GPHN: variants seen among roughly 807,000 people sequenced by gnomAD.
GPHN encodes gephyrin.
In GPHN, 17 loss-of-function variants were observed where a neutral mutation model predicts 95.5. The observed-to-expected ratio is 0.18, with a 90% confidence interval of 0.12 to 0.27. The LOEUF is 0.27. Among genes scored for constraint, GPHN ranks in the 10% least tolerant of loss-of-function variants. The pLI is 1.00. For missense variants in GPHN, 660 were observed against 978.1 expected, an observed-to-expected ratio of 0.67 and a Z score of 4.34; for synonymous variants, 320 against 322.5, an observed-to-expected ratio of 0.99 and a Z score of 0.08.
intron 5 of GPHN, among the ~76,000 whole-genome samples, chr14:66,893,139 A>G (rs2064615734): frequency 6.6e-6 from 1 of 152,210 alleles, no homozygotes; most frequent in South Asian, 2.1e-4. Flanking sequence ...CCTAAATATC[A>G]TAGCTTCATA....
At chr14:66,690,824 C>T (rs904857963) in intron 2 of GPHN, among the ~76,000 whole-genome samples, 2 of 152,218 alleles carry the variant, frequency 1.3e-5, no homozygotes, top group South Asian at 2.1e-4. Context: ...CTCACTCCCT[C>T]GGTTTGTGTA....
At chr14:67,213,292 C>A in the GPHN span, among the ~76,000 whole-genome samples, 1 of 147,724 alleles carries the variant, frequency 6.8e-6, no homozygotes, top group African/African-American at 2.5e-5. Flanking sequence ...TTAGGTATAT[C>A]TCCTAAGGCT....
In GPHN at chr14:67,020,897, T is replaced by C. The variant is rs941669412; in HGVS notation, c.964-2736T>C. On this transcript the variant is annotated intron_variant, in intron 9 of 22. Coordinates refer to ENST00000478722, the MANE Select transcript of GPHN (RefSeq NM_020806.5). ...CTGTTTTATTTTGCTTTCCAGACTTTCCTTTTTTTCCCATAGAGTAAAGCC... is the reference window on the plus strand; with the variant it reads ...CTGTTTTATTTTGCTTTCCAGACTTCCCTTTTTTTCCCATAGAGTAAAGCC... 5.9e-5 allele frequency among the ~76,000 whole-genome samples: 9 copies of C among 152,194 alleles called. No homozygotes were observed. The South Asian group carries it at 1.7e-3, about 28-fold the overall frequency.
At chr14:67,735,131 G>T in the GPHN span, 4 of 806,602 alleles carry the variant, frequency 5.0e-6, no homozygotes, top group East Asian at 7.3e-5. Context: ...ATAGGCATGG[G>T]TGTTGATTCG....
At chr14:66,593,756 A>G (rs529572847) in intron 1 of GPHN, among the ~76,000 whole-genome samples, 1 of 152,214 alleles carries the variant, frequency 6.6e-6, no homozygotes. Flanking sequence ...TTTTCCTAAG[A>G]TGAGGAACAA....
chr14:66,632,723 C>T (rs937931833), intron 1 of GPHN, among the ~76,000 whole-genome samples: 9 of 152,026 alleles, frequency 5.9e-5, no homozygotes, highest in Admixed American at 3.9e-4. Context: ...CAACTTCTGA[C>T]CTCGTGATCC....
At chr14:67,382,901 G>T in the GPHN span, among the ~76,000 whole-genome samples, 1 of 140,766 alleles carries the variant, frequency 7.1e-6, no homozygotes, top group Non-Finnish European at 1.5e-5. Flanking sequence ...GTGTACGTGC[G>T]TGCGTGCGTG....
chr14:66,824,652 A>G (rs1053394768), intron 4 of GPHN, 86 bp downstream of exon 4: 1 of 683,330 alleles, frequency 1.5e-6, no homozygotes. Flanking sequence ...TATTATTTTT[A>G]TAACTTTGCT....
chr14:67,346,539 T>C, the GPHN span, among the ~76,000 whole-genome samples: 2 of 152,220 alleles, frequency 1.3e-5, no homozygotes, highest in East Asian at 3.9e-4. Context: ...GGTCTCAAAC[T>C]CCTGGGCTAA....
intron 3 of GPHN, among the ~76,000 whole-genome samples, chr14:66,809,937 A>G (rs565095805): frequency 2.1e-4 from 32 of 152,076 alleles, no homozygotes; most frequent in Admixed American, 1.5e-3. Context: ...GGAGTAGGTA[A>G]TTTTCCTCTC....
intron 1 of GPHN, among the ~76,000 whole-genome samples, chr14:66,584,203 A>G (rs1226507809): frequency 2.6e-5 from 4 of 152,122 alleles, no homozygotes; most frequent in Non-Finnish European, 5.9e-5. Context: ...TTATTGGTGT[A>G]TAAGAATGCT....
At chr14:67,062,613 A>AGT (rs55968959) in intron 11 of GPHN, among the ~76,000 whole-genome samples, 152,332 of 152,336 alleles carry the variant, frequency 1, 76,164 homozygotes, top group Middle Eastern at 1. Context: ...GGAATTTCAG[A>AGT]GTATAGTACA....
chr14:67,179,765 G>T, intron 22 of GPHN, 91 bp downstream of exon 22: 2 of 773,014 alleles, frequency 2.6e-6, no homozygotes, highest in Non-Finnish European at 4.6e-6. Flanking sequence ...GACTGATTTT[G>T]TAATTATTAT....
chr14:67,558,204 C>A, the GPHN span, among the ~76,000 whole-genome samples: 5 of 152,328 alleles, frequency 3.3e-5, no homozygotes, highest in Non-Finnish European at 7.3e-5. Context: ...CTGGCCTTAC[C>A]TACCCAGCTT....
intron 2 of GPHN, among the ~76,000 whole-genome samples, chr14:66,769,536 C>G (rs1302544039): frequency 6.6e-6 from 1 of 152,076 alleles, no homozygotes; most frequent in African/African-American, 2.4e-5. Context: ...TTCATGTGTT[C>G]TCATCATTTA....
At chr14:67,380,780 A>G in the GPHN span, 2 of 1,439,010 alleles carry the variant, frequency 1.4e-6, no homozygotes, top group Non-Finnish European at 1.9e-6. Context: ...ATGATTTTTT[A>G]AATGATTTTT....
chr14:67,594,343 T>A, the GPHN span, among the ~76,000 whole-genome samples: 5 of 151,932 alleles, frequency 3.3e-5, no homozygotes. Context: ...CATAAGACAC[T>A]GTCTCTAAAA....
the GPHN span, among the ~76,000 whole-genome samples, chr14:67,477,166 CAAA>C: frequency 7.3e-5 from 10 of 137,124 alleles, no homozygotes; most frequent in African/African-American, 1.0e-4. Context: ...AACTCCATCT[CAAA>C]AAAAAAAAAA....
rs1028661230 is a variant in GPHN, at chr14:66,901,024, C to T, written c.390-14979C>T. Among the ~76,000 whole-genome samples, 11 of 152,110 alleles carry T rather than the reference C, an allele frequency of 7.2e-5. No homozygotes were observed. In the East Asian group the frequency reaches 2.1e-3, roughly 29 times the overall value. ...TCCACCAACAGCGTACAAATGTTTC[C>T]TGTTTTCCAAATCCTTACCAGCATG... On this transcript the variant is annotated intron_variant, in intron 5 of 22. Coordinates refer to ENST00000478722, the MANE Select transcript of GPHN (RefSeq NM_020806.5).
Sources: allele counts gnomAD v4.1 joint callset (sites outside exome capture counted in the v4.1 genomes callset), GRCh38; gene constraint gnomAD v4.1.1; transcripts MANE v1.5; gene names NCBI Gene and HGNC (gene_info 2026-07-23, HGNC 2026-07-21).